Variants in ADGRL3 observed in about 807,000 individuals in gnomAD.
ADGRL3 encodes calcium-independent alpha-latrotoxin receptor 3.
In ADGRL3, 62 loss-of-function variants were observed where a neutral mutation model predicts 153.5. That is an observed-to-expected ratio of 0.40 (90% CI 0.33 to 0.50). ADGRL3 has a LOEUF of 0.50. Ranked by LOEUF, ADGRL3 falls within the 20% of genes least tolerant of loss-of-function variation. ADGRL3 has a pLI of 0.47. For synonymous variants in ADGRL3, 710 were observed against 672.5 expected, an observed-to-expected ratio of 1.06 and a Z score of -0.86; for missense variants, 1,641 against 1,859.4, an observed-to-expected ratio of 0.88 and a Z score of 2.16.
chr4:61,813,833 C>A lies in ADGRL3; in HGVS notation c.1424C>A (p.Ser475Ter). ...RSGQAHHGQV[S>*]YISPPIHLDS... ...GGGCAGGCACATCATGGACAAGTTTCATACATTTCTCCGCCAATTCACCTT... is the reference window on the plus strand; with the variant it reads ...GGGCAGGCACATCATGGACAAGTTTAATACATTTCTCCGCCAATTCACCTT... The change falls in exon 9 of 27, where the codon TCA becomes TAA. Residue 475 changes from serine (S) to a stop codon, truncating the protein, a stop_gained. Transcript: ENST00000683033. LOFTEE classifies it high-confidence loss of function. 1 of 1,575,684 alleles carries A rather than the reference C, an allele frequency of 6.3e-7. No homozygotes were observed. Among genetic ancestry groups the A allele is most frequent in the Non-Finnish European group, 8.7e-7 (1 of 1,145,158 alleles).
chr4:61,285,369 T>C (rs1182825943), intron 1 of ADGRL3, among the ~76,000 whole-genome samples: 2 of 151,926 alleles, frequency 1.3e-5, no homozygotes, highest in African/African-American at 4.8e-5. Context: ...ACTACTTCAG[T>C]AATTTTCTTG....
chr4:61,363,376 T>C (rs2096327827), intron 1 of ADGRL3, among the ~76,000 whole-genome samples: 1 of 151,678 alleles, frequency 6.6e-6, no homozygotes, highest in Non-Finnish European at 1.5e-5. Flanking sequence ...TTTGGTAGAG[T>C]TTGTTCTTCA....
intron 1 of ADGRL3, among the ~76,000 whole-genome samples, chr4:61,219,663 T>G (rs1477156035): frequency 6.6e-6 from 1 of 152,226 alleles, no homozygotes; most frequent in Admixed American, 6.5e-5. Context: ...AGTTCAGCTT[T>G]TATGCTTTTC....
intron 2 of ADGRL3, among the ~76,000 whole-genome samples, chr4:61,395,745 GATAAT>G (rs1316265174): frequency 6.6e-6 from 1 of 151,846 alleles, no homozygotes; most frequent in Non-Finnish European, 1.5e-5. Context: ...ACCAGAAAAT[GATAAT>G]ATATCAGAAA....
chr4:61,807,647 C>A (rs1291697600), intron 8 of ADGRL3, among the ~76,000 whole-genome samples: 1 of 152,188 alleles, frequency 6.6e-6, no homozygotes, highest in East Asian at 1.9e-4. Flanking sequence ...CTAACAGTTG[C>A]TGTATCAAAT....
chr4:61,389,422 C>T (rs1284590537), intron 2 of ADGRL3, among the ~76,000 whole-genome samples: 1 of 152,004 alleles, frequency 6.6e-6, no homozygotes, highest in Non-Finnish European at 1.5e-5. Flanking sequence ...TGCTTTTATA[C>T]ACTTTTTATA....
At chr4:61,281,822 A>G (rs2093735078) in intron 1 of ADGRL3, among the ~76,000 whole-genome samples, 1 of 152,142 alleles carries the variant, frequency 6.6e-6, no homozygotes. Flanking sequence ...AGAACATTTT[A>G]AAATTGGAAG....
chr4:61,683,890 A>G (rs1458725239), intron 6 of ADGRL3, among the ~76,000 whole-genome samples: 1 of 152,124 alleles, frequency 6.6e-6, no homozygotes, highest in Non-Finnish European at 1.5e-5. Context: ...TTTGCCTCCC[A>G]AAGTGCTGGG....
intron 1 of ADGRL3, among the ~76,000 whole-genome samples, chr4:61,288,587 T>G (rs1407960951): frequency 6.6e-6 from 1 of 151,966 alleles, no homozygotes; most frequent in African/African-American, 2.4e-5. Context: ...TAGGACTAGG[T>G]TACATAATAT....
intron 24 of ADGRL3, 94 bp downstream of exon 24, chr4:62,037,950 A>G: frequency 1.4e-6 from 2 of 1,408,436 alleles, no homozygotes; most frequent in Non-Finnish European, 2.0e-6. Flanking sequence ...TGTGTTTAAC[A>G]CATCGTTTGT....
At chr4:61,506,698 T>C (rs1034287493) in intron 3 of ADGRL3, among the ~76,000 whole-genome samples, 2 of 152,126 alleles carry the variant, frequency 1.3e-5, no homozygotes, top group African/African-American at 2.4e-5. Context: ...TTTGGTATCA[T>C]TAGTTTTATG....
At chr4:61,351,944 G>A (rs1290442573) in intron 1 of ADGRL3, among the ~76,000 whole-genome samples, 1 of 152,092 alleles carries the variant, frequency 6.6e-6, no homozygotes, top group Non-Finnish European at 1.5e-5. Context: ...AATTATTTAA[G>A]AAATGTAATT....
At chr4:61,756,184 C>T (rs1037393135) in intron 8 of ADGRL3, among the ~76,000 whole-genome samples, 11 of 152,118 alleles carry the variant, frequency 7.2e-5, no homozygotes, top group East Asian at 1.9e-4. Context: ...ATGGGGATGG[C>T]GTTGAATCTA....
chr4:61,648,589 T>A (rs2094133284), intron 5 of ADGRL3, among the ~76,000 whole-genome samples: 1 of 151,748 alleles, frequency 6.6e-6, no homozygotes, highest in African/African-American at 2.4e-5. Context: ...TGCTGAGTAA[T>A]CCTCTTTTTA....
intron 2 of ADGRL3, among the ~76,000 whole-genome samples, chr4:61,490,505 T>G (rs2098246703): frequency 6.6e-6 from 1 of 152,120 alleles, no homozygotes; most frequent in Admixed American, 6.6e-5. Context: ...TTTGTTGAAT[T>G]AAATGTTTCT....
rs1055004829 is a variant in ADGRL3, at chr4:61,685,937, G to A, written c.583+9002G>A. Among the ~76,000 whole-genome samples the A allele has an allele frequency of 2.0e-5, 3 of 151,966 alleles. No homozygotes were observed. The East Asian group carries it at 5.8e-4, about 29-fold the overall frequency. On this transcript the variant is annotated intron_variant, in intron 6 of 26. Transcript: ENST00000683033. ...TCTAGGTAAGATTCATATAGACTTA[G>A]ATTAATAATATGTAAATGTACACTT...
chr4:61,636,097 T>C (rs2093411300), intron 5 of ADGRL3, among the ~76,000 whole-genome samples: 1 of 152,090 alleles, frequency 6.6e-6, no homozygotes, highest in African/African-American at 2.4e-5. Flanking sequence ...CTAACCCCTA[T>C]CGAAACTACA....
At chr4:61,369,774 C>A (rs556000616) in intron 1 of ADGRL3, among the ~76,000 whole-genome samples, 1 of 152,222 alleles carries the variant, frequency 6.6e-6, no homozygotes, top group African/African-American at 2.4e-5. Context: ...CCCTCTTTTT[C>A]TATTGATTGT....
chr4:61,703,315 C>T (rs1230357832), intron 6 of ADGRL3, among the ~76,000 whole-genome samples: 1 of 151,852 alleles, frequency 6.6e-6, no homozygotes, highest in Non-Finnish European at 1.5e-5. Flanking sequence ...TTTTTCAGTA[C>T]TCTAGTCACA....
Sources: gnomAD v4.1 joint callset for allele counts (sites outside exome capture counted in the v4.1 genomes callset) on GRCh38, gnomAD v4.1.1 for gene constraint, MANE v1.5 for transcripts, NCBI Gene and HGNC (gene_info 2026-07-23, HGNC 2026-07-21) for gene names.